Variants in CHSY3 observed in about 807,000 individuals in gnomAD.
The protein encoded by CHSY3 is chondroitin sulfate synthase 3.
Under a neutral mutation model 67.2 loss-of-function variants are expected in CHSY3, and 35 were observed. The ratio of observed to expected loss-of-function variants is 0.52; its 90% CI spans 0.40 to 0.69. CHSY3 has a LOEUF of 0.69. Among genes scored for constraint, CHSY3 ranks in the 30% least tolerant of loss-of-function variants. The pLI, the probability that CHSY3 is intolerant of heterozygous loss-of-function variation, is 0.00. For synonymous variants in CHSY3, 474 were observed against 434.7 expected (o/e 1.09, Z -1.12); for missense variants, 1,069 against 1,138.5 (o/e 0.94, Z 0.88).
In CHSY3 at chr5:130,095,997, T is replaced by G. The variant is rs373201167; in HGVS notation, c.1087-88232T>G. The stretch of plus-strand genomic sequence containing the variant: ...GACCAAATGAAATTCAGGAACAATC[T>G]ACCAAATAACTGACAAGAAGTATTC... On this transcript the variant is annotated intron_variant, in intron 2 of 2. Coordinates refer to ENST00000305031, the MANE Select transcript of CHSY3 (RefSeq NM_175856.5). Among the ~76,000 whole-genome samples the G allele has an allele frequency of 1.1e-4, 16 of 152,178 alleles. No individual in the cohort carries two copies. In the East Asian group the frequency reaches 1.5e-3, roughly 15 times the overall value.
intron 2 of CHSY3, among the ~76,000 whole-genome samples, chr5:129,943,130 C>T (rs1420923323): frequency 6.6e-6 from 1 of 151,930 alleles, no homozygotes; most frequent in African/African-American, 2.4e-5. Flanking sequence ...TCCATTTTTT[C>T]TTTCATTTGA....
chr5:130,048,511 A>G (rs1425161255), intron 2 of CHSY3, among the ~76,000 whole-genome samples: 1 of 151,878 alleles, frequency 6.6e-6, no homozygotes, highest in African/African-American at 2.4e-5. Flanking sequence ...CCTTAAATCT[A>G]TGGAGTGCAG....
At chr5:130,060,600 A>G (rs1196117067) in intron 2 of CHSY3, among the ~76,000 whole-genome samples, 3 of 152,180 alleles carry the variant, frequency 2.0e-5, no homozygotes, top group Non-Finnish European at 2.9e-5. Flanking sequence ...AGGCCTCCAA[A>G]TTGAAAGAGA....
intron 2 of CHSY3, among the ~76,000 whole-genome samples, chr5:129,978,775 T>A (rs1229038825): frequency 6.6e-6 from 1 of 152,142 alleles, no homozygotes; most frequent in Non-Finnish European, 1.5e-5. Flanking sequence ...TATTTTAATC[T>A]ACCCGAAAAA....
At chr5:129,939,668 T>C (rs1411106879) in intron 2 of CHSY3, among the ~76,000 whole-genome samples, 1 of 152,220 alleles carries the variant, frequency 6.6e-6, no homozygotes, top group Non-Finnish European at 1.5e-5. Flanking sequence ...TATAGTGAAC[T>C]TTATTTCAGT....
Position 130,112,262 on chromosome 5 carries a change from C to T in CHSY3, c.1087-71967C>T, listed in dbSNP as rs541557695. 2.0e-5 allele frequency among the ~76,000 whole-genome samples: 3 copies of T among 152,198 alleles called. No homozygotes were observed. In the South Asian group the frequency reaches 6.2e-4, roughly 31 times the overall value. ...ACACCTTGCTACTTCTGAATATTTT[C>T]CCGGAATTTGTCTAAAATAAATGCT... is the stretch of plus-strand genomic sequence containing the variant. On this transcript the variant is annotated intron_variant, in intron 2 of 2. Transcript: ENST00000305031.
At chr5:129,991,763 G>A (rs369197100) in intron 2 of CHSY3, among the ~76,000 whole-genome samples, 1 of 152,098 alleles carries the variant, frequency 6.6e-6, no homozygotes, top group South Asian at 2.1e-4. Flanking sequence ...AAAGAGTAGG[G>A]GGAAGAGGAA....
chr5:129,929,017 C>T (rs1271038366), intron 2 of CHSY3, among the ~76,000 whole-genome samples: 1 of 152,110 alleles, frequency 6.6e-6, no homozygotes, highest in Non-Finnish European at 1.5e-5. Flanking sequence ...CAATGTTACA[C>T]TGAAATTCTG....
intron 2 of CHSY3, among the ~76,000 whole-genome samples, chr5:129,934,823 G>A (rs115186966): frequency 0.015 from 2,297 of 152,270 alleles, 50 homozygotes; most frequent in African/African-American, 0.052. Context: ...AAAACAGGTT[G>A]CTTTATTAAA....
intron 2 of CHSY3, among the ~76,000 whole-genome samples, chr5:130,066,454 G>T (rs565691295): frequency 6.6e-6 from 1 of 152,112 alleles, no homozygotes; most frequent in South Asian, 2.1e-4. Flanking sequence ...TGAACTTAGG[G>T]CCTCTAGCTG....
chr5:130,146,126 T>C (rs1001370229), intron 2 of CHSY3, among the ~76,000 whole-genome samples: 2 of 152,110 alleles, frequency 1.3e-5, no homozygotes, highest in African/African-American at 2.4e-5. Flanking sequence ...ATATAATCAG[T>C]ATGTTGAAGA....
At chr5:129,959,763 C>T (rs2149606785) in intron 2 of CHSY3, among the ~76,000 whole-genome samples, 1 of 152,114 alleles carries the variant, frequency 6.6e-6, no homozygotes, top group South Asian at 2.1e-4. Flanking sequence ...AAATTTTTTT[C>T]CGATTACAGT....
intron 2 of CHSY3, among the ~76,000 whole-genome samples, chr5:130,169,724 C>A (rs1177781661): frequency 1.3e-5 from 2 of 151,208 alleles, no homozygotes; most frequent in African/African-American, 4.8e-5. Flanking sequence ...CCAATCCAAC[C>A]TTTGGCTTTT....
intron 2 of CHSY3, among the ~76,000 whole-genome samples, chr5:130,090,666 A>G (rs770760600): frequency 6.6e-6 from 1 of 152,068 alleles, no homozygotes; most frequent in Non-Finnish European, 1.5e-5. Flanking sequence ...TTACTCACTC[A>G]TTTTTCTCCT....
At chr5:130,088,868 C>A (rs1766768451) in intron 2 of CHSY3, among the ~76,000 whole-genome samples, 1 of 152,144 alleles carries the variant, frequency 6.6e-6, no homozygotes, top group Non-Finnish European at 1.5e-5. Context: ...CATCCCATTA[C>A]TGGGTATATA....
chr5:130,097,518 C>G (rs1241607265), intron 2 of CHSY3, among the ~76,000 whole-genome samples: 3 of 152,176 alleles, frequency 2.0e-5, no homozygotes, highest in Non-Finnish European at 4.4e-5. Flanking sequence ...CTGCAGGATT[C>G]CACTACCTAC....
intron 2 of CHSY3, among the ~76,000 whole-genome samples, chr5:130,160,520 A>G (rs1769499206): frequency 6.6e-6 from 1 of 152,130 alleles, no homozygotes; most frequent in Non-Finnish European, 1.5e-5. Context: ...AATCCACTAA[A>G]CAGTTTACTG....
At chr5:130,084,123 A>G (rs1423511644) in intron 2 of CHSY3, among the ~76,000 whole-genome samples, 25 of 151,944 alleles carry the variant, frequency 1.6e-4, no homozygotes, top group Admixed American at 1.6e-3. Context: ...TAGGTAATTC[A>G]TATTAGTTCT....
intron 2 of CHSY3, among the ~76,000 whole-genome samples, chr5:130,076,666 T>G (rs1766265466): frequency 6.6e-6 from 1 of 152,100 alleles, no homozygotes; most frequent in Non-Finnish European, 1.5e-5. Context: ...TTACTTTTCT[T>G]GAAATTTTCT....
Sources: allele counts gnomAD v4.1 joint callset (sites outside exome capture counted in the v4.1 genomes callset), GRCh38; gene constraint gnomAD v4.1.1; transcripts MANE v1.5; gene names NCBI Gene and HGNC (gene_info 2026-07-23, HGNC 2026-07-21).